Variants in ZPLD1 observed in about 807,000 individuals in gnomAD.
ZPLD1 encodes zona pellucida like domain containing 1.
In ZPLD1, 34 loss-of-function variants were observed where a neutral mutation model predicts 47.2. That is an observed-to-expected ratio of 0.72 (90% CI 0.55 to 0.96). The LOEUF (loss-of-function observed/expected upper bound fraction) is 0.96, where lower values mean the gene tolerates loss of function less well. Among genes scored for constraint, ZPLD1 ranks in the 40% least tolerant of loss-of-function variants. The probability of loss-of-function intolerance (pLI) is 0.00; values close to 1 mark genes in which losing one functional copy is unlikely to be tolerated. For synonymous variants in ZPLD1, 176 were observed against 186.2 expected (o/e 0.95, Z 0.45); for missense variants, 512 against 505.8 (o/e 1.01, Z -0.12).
At chr3:102,393,131 C>T (rs564167241) in intron 7 of ZPLD1, among the ~76,000 whole-genome samples, 166 of 152,186 alleles carry the variant, frequency 1.1e-3, no homozygotes, top group Non-Finnish European at 2.0e-3. Context: ...TATATTGGAA[C>T]TAAAGTTTTC....
At chr3:102,466,952 C>A (rs1379420788) in intron 8 of ZPLD1, among the ~76,000 whole-genome samples, 2 of 151,626 alleles carry the variant, frequency 1.3e-5, no homozygotes, top group Non-Finnish European at 2.9e-5. Context: ...AAAAAAAAAT[C>A]TTACATTGAT....
chr3:102,466,285 C>T (rs992766486), intron 8 of ZPLD1, among the ~76,000 whole-genome samples: 1 of 152,200 alleles, frequency 6.6e-6, no homozygotes, highest in East Asian at 1.9e-4. Flanking sequence ...GTTGGGGAAA[C>T]CCTTAAGGAA....
rs142805004 is a variant in ZPLD1, at chr3:102,385,368, A to G, written c.-213+51A>G. On this transcript the variant is annotated intron_variant, in intron 6 of 17. Coordinates refer to the ZPLD1 transcript ENST00000491959. Reference sequence around the variant, plus strand: ...ACAGCACTCACCCACAACTGGTACTACAATTATAAAGAAAGGTGTAATGTT... The same window carrying G: ...ACAGCACTCACCCACAACTGGTACTGCAATTATAAAGAAAGGTGTAATGTT... 12 of 152,314 alleles carry G rather than the reference A, an allele frequency of 7.9e-5. No individual in the cohort carries two copies. In the East Asian group the frequency reaches 1.2e-3, roughly 15 times the overall value. 9.4% of individuals were successfully genotyped at this position (152,314 alleles called of 1,614,324 possible). A position where few individuals can be genotyped will look rare whatever the true frequency, so the allele number is the denominator to read the frequency against.
At chr3:102,419,609 A>G (rs1706852127) in intron 8 of ZPLD1, among the ~76,000 whole-genome samples, 1 of 151,644 alleles carries the variant, frequency 6.6e-6, no homozygotes, top group Admixed American at 6.6e-5. Context: ...AAGGGCCTAT[A>G]ATAATGCAGA....
At chr3:102,457,900 G>A in intron 6 of ZPLD1, 47 bp downstream of exon 6, 1 of 1,582,228 alleles carries the variant, frequency 6.3e-7, no homozygotes, top group Non-Finnish European at 8.7e-7. Flanking sequence ...ACTGTTGTGA[G>A]GAGTCATTTA....
In ZPLD1 at chr3:102,435,050, A is replaced by G; in HGVS notation, c.-227A>G. 1 of 1,566,940 alleles carries G rather than the reference A, an allele frequency of 6.4e-7. No homozygotes were observed. Among genetic ancestry groups the G allele is most frequent in the Non-Finnish European group, 8.8e-7 (1 of 1,137,310 alleles). ...TAACATAATCCCCCAATCCCATACAATTCAATTTCAGAAAAGTATTTAGGG... is the reference window on the plus strand; with the variant it reads ...TAACATAATCCCCCAATCCCATACAGTTCAATTTCAGAAAAGTATTTAGGG... On this transcript the variant is annotated 5_prime_UTR_variant, in exon 1 of 12. Transcript: ENST00000466937.
chr3:102,424,725 A>G (rs1706921480), intron 8 of ZPLD1, among the ~76,000 whole-genome samples: 1 of 152,180 alleles, frequency 6.6e-6, no homozygotes, highest in Non-Finnish European at 1.5e-5. Context: ...AATGCATACA[A>G]AACACATATA....
intron 7 of ZPLD1, among the ~76,000 whole-genome samples, chr3:102,408,043 A>G (rs1026398657): frequency 3.3e-5 from 5 of 151,870 alleles, no homozygotes; most frequent in Non-Finnish European, 7.4e-5. Context: ...AAACTTAAAG[A>G]AAGTGCTTTA....
rs571310037 is a variant in ZPLD1 at position 102,475,346 on chromosome 3, AG to A, written c.1043-1664del. Among the ~76,000 whole-genome samples, 10 of 152,256 alleles carry A rather than the reference AG, an allele frequency of 6.6e-5. No homozygotes were observed. The South Asian group carries it at 2.1e-3, about 32-fold the overall frequency. ...GGACAGTCTGACTTTTGTTAACCTTAGGATGCAGAAAATAGCAGAAAGGGCA... is the reference window on the plus strand; with the variant it reads ...GGACAGTCTGACTTTTGTTAACCTTAGATGCAGAAAATAGCAGAAAGGGCA... On this transcript the variant is annotated intron_variant, in intron 10 of 11. Coordinates refer to ENST00000466937, the MANE Select transcript of ZPLD1 (RefSeq NM_001329788.2).
chr3:102,478,728 C>G lies in ZPLD1; in HGVS notation c.*1110C>G, dbSNP rs1376109057. The stretch of plus-strand genomic sequence containing the variant: ...AGTAAACTGCAAGAAGCTTCTGATC[C>G]TTTATCAGTTTTGCAAAAAAGCAAG... On this transcript the variant is annotated 3_prime_UTR_variant, in exon 12 of 12. Transcript: ENST00000466937. 1 of 152,140 alleles carries G rather than the reference C, an allele frequency of 6.6e-6. No individual in the cohort carries two copies. The allele number at this position is 152,140 out of a possible 1,614,324, so 9.4% of individuals were successfully genotyped here. A position where few individuals can be genotyped will look rare whatever the true frequency, so the allele number is the denominator to read the frequency against.
chr3:102,386,419 G>C lies in ZPLD1; in HGVS notation c.-213+1102G>C, dbSNP rs536198714. Among the ~76,000 whole-genome samples the C allele has an allele frequency of 8.6e-5, 13 of 151,496 alleles. No homozygotes were observed. The East Asian group carries it at 2.5e-3, about 29-fold the overall frequency. On this transcript the variant is annotated intron_variant, in intron 6 of 17. Coordinates refer to the ZPLD1 transcript ENST00000491959. ...TACATTTCTAAGAATACACTTAAAAGCGTTTTTTAATTCTTTCATCACAGG... is the reference window on the plus strand; with the variant it reads ...TACATTTCTAAGAATACACTTAAAACCGTTTTTTAATTCTTTCATCACAGG...
upstream of ZPLD1, among the ~76,000 whole-genome samples, chr3:102,430,869 A>T (rs1298410991): frequency 6.6e-6 from 1 of 152,220 alleles, no homozygotes; most frequent in Non-Finnish European, 1.5e-5. Context: ...GAAATGAGCA[A>T]TTAAGATAAC....
chr3:102,466,939 A>G (rs563174096), intron 8 of ZPLD1, among the ~76,000 whole-genome samples: 43 of 152,146 alleles, frequency 2.8e-4, no homozygotes, highest in African/African-American at 9.6e-4. Flanking sequence ...ACTTTCCTAA[A>G]TTAAAAAAAA....
At chr3:102,439,033 G>A (rs1411431373) in intron 3 of ZPLD1, among the ~76,000 whole-genome samples, 1 of 152,080 alleles carries the variant, frequency 6.6e-6, no homozygotes, top group Admixed American at 6.6e-5. Context: ...AAAGGACACA[G>A]GTGAGCTTCA....
upstream of ZPLD1, among the ~76,000 whole-genome samples, chr3:102,433,705 T>G (rs1346442798): frequency 6.6e-6 from 1 of 151,976 alleles, no homozygotes; most frequent in African/African-American, 2.4e-5. Context: ...TTTTTTGTAT[T>G]TTTTTAGAAG....
chr3:102,439,527 C>T (rs1037150923), intron 3 of ZPLD1, among the ~76,000 whole-genome samples: 11 of 152,112 alleles, frequency 7.2e-5, no homozygotes, highest in Non-Finnish European at 1.0e-4. Flanking sequence ...GAAAAATTTG[C>T]TAAGGCAGAG....
chr3:102,434,222 T>G (rs1707053619), upstream of ZPLD1, among the ~76,000 whole-genome samples: 1 of 152,148 alleles, frequency 6.6e-6, no homozygotes, highest in Non-Finnish European at 1.5e-5. Flanking sequence ...CAGTAACAGA[T>G]CTCAATAAAA....
chr3:102,388,179 T>C (rs1042879597), intron 6 of ZPLD1, among the ~76,000 whole-genome samples: 2 of 152,084 alleles, frequency 1.3e-5, no homozygotes, highest in African/African-American at 4.8e-5. Context: ...AGAAATTCTT[T>C]CTCGTTTTTT....
At chr3:102,460,183 T>A (rs1348081709) in intron 6 of ZPLD1, among the ~76,000 whole-genome samples, 1 of 152,054 alleles carries the variant, frequency 6.6e-6, no homozygotes, top group Non-Finnish European at 1.5e-5. Context: ...ATTATAATCT[T>A]TTGAAGCCAT....
Sources: allele counts gnomAD v4.1 joint callset (sites outside exome capture counted in the v4.1 genomes callset), GRCh38; gene constraint gnomAD v4.1.1; transcripts MANE v1.5; gene names NCBI Gene and HGNC (gene_info 2026-07-23, HGNC 2026-07-21).